NDRG3: variants seen among roughly 807,000 people sequenced by gnomAD.
The protein encoded by NDRG3 is NDRG family member 3.
Under a neutral mutation model 57.2 loss-of-function variants are expected in NDRG3, and 23 were observed. The observed-to-expected ratio is 0.40, with a 90% confidence interval of 0.29 to 0.57. The LOEUF is 0.57. NDRG3 is among the 20% of genes least tolerant of loss of function. The pLI, the probability that NDRG3 is intolerant of heterozygous loss-of-function variation, is 0.42. For missense variants in NDRG3, 384 were observed against 457.3 expected (o/e 0.84, Z 1.46); for synonymous variants, 132 against 162.6 (o/e 0.81, Z 1.43).
chr20:36,688,796 G>T lies in NDRG3; in HGVS notation c.94-12C>A. The T allele has an allele frequency of 6.3e-7, 1 of 1,594,962 alleles. No individual in the cohort carries two copies. The highest frequency in any genetic ancestry group is 8.6e-7 in the Non-Finnish European group (1 of 1,162,678). ...TCTATATCATGTTCCTGTAACAAGA[G>T]AATGTAAGTTCTCAGAAAAAGCAGA... On this transcript the variant is annotated splice_polypyrimidine_tract_variant and intron_variant, in intron 3 of 15. Transcript: ENST00000349004.
rs147048407 is a variant in NDRG3, at chr20:36,657,244, T to C, written c.859-712A>G. 6.0e-3 allele frequency among the ~76,000 whole-genome samples: 895 copies of C among 149,432 alleles called. 7 individuals are homozygous for C. The highest frequency in any genetic ancestry group is 0.021 in the African/African-American group (832 of 38,872). Reference sequence around the variant, plus strand: ...GCTCACACCTGTAATCCCAGCACCTTGGGAGGCCGAGGTCGGGGGGATCAC... The same window carrying C: ...GCTCACACCTGTAATCCCAGCACCTCGGGAGGCCGAGGTCGGGGGGATCAC... On this transcript the variant is annotated intron_variant, in intron 13 of 15. Coordinates refer to ENST00000349004, the MANE Select transcript of NDRG3 (RefSeq NM_032013.4).
At chr20:36,730,880 G>T (rs1985241255) in intron 1 of NDRG3, among the ~76,000 whole-genome samples, 1 of 151,116 alleles carries the variant, frequency 6.6e-6, no homozygotes, top group Non-Finnish European at 1.5e-5. Context: ...GGAGGTTGGA[G>T]TGAGCCAAGA....
chr20:36,671,847 T>C (rs1980203028), intron 8 of NDRG3, among the ~76,000 whole-genome samples: 1 of 148,748 alleles, frequency 6.7e-6, no homozygotes, highest in South Asian at 2.1e-4. Flanking sequence ...ATACATTTCA[T>C]GAGATGGTGG....
chr20:36,684,196 T>G (rs1439236939), intron 6 of NDRG3, among the ~76,000 whole-genome samples: 1 of 152,164 alleles, frequency 6.6e-6, no homozygotes, highest in Non-Finnish European at 1.5e-5. Context: ...CTAACTTGCC[T>G]TACTAATGTA....
intron 1 of NDRG3, among the ~76,000 whole-genome samples, chr20:36,722,589 T>C (rs1469172459): frequency 6.6e-6 from 1 of 152,010 alleles, no homozygotes; most frequent in Non-Finnish European, 1.5e-5. Flanking sequence ...GGACAAAAAT[T>C]GAAGATTATT....
rs1726968639 is a variant in NDRG3 at position 36,697,046 on chromosome 20, G to A, written c.94-8262C>T. ...CAATACTGAAGTTCTGGGGTTCTGG[G>A]TGGCCAGGGGCATTGTCCATATCAA... On this transcript the variant is annotated intron_variant, in intron 3 of 15. Coordinates refer to ENST00000349004, the MANE Select transcript of NDRG3 (RefSeq NM_032013.4). 2.6e-5 allele frequency among the ~76,000 whole-genome samples: 4 copies of A among 152,106 alleles called. 1 individual carries two copies. In the South Asian group the frequency reaches 8.3e-4, roughly 31 times the overall value.
chr20:36,678,794 AAAAC>A (rs1471114781), intron 8 of NDRG3, among the ~76,000 whole-genome samples: 1 of 152,254 alleles, frequency 6.6e-6, no homozygotes, highest in African/African-American at 2.4e-5. Flanking sequence ...GGAAAACATA[AAAAC>A]AAACTAATAT....
intron 1 of NDRG3, among the ~76,000 whole-genome samples, chr20:36,737,886 A>G (rs539688106): frequency 8.5e-5 from 13 of 152,188 alleles, no homozygotes; most frequent in Non-Finnish European, 1.6e-4. Context: ...CAACATGGTG[A>G]AACTCACCTC....
chr20:36,670,766 G>T (rs1980079384), intron 9 of NDRG3, among the ~76,000 whole-genome samples: 1 of 152,094 alleles, frequency 6.6e-6, no homozygotes, highest in Non-Finnish European at 1.5e-5. Context: ...ACAGCTTTCT[G>T]ACCTCACTGC....
intron 12 of NDRG3, 45 bp from the exon 13 acceptor site, chr20:36,660,429 G>A: frequency 6.5e-7 from 1 of 1,533,868 alleles, no homozygotes; most frequent in Non-Finnish European, 9.0e-7. Context: ...TGAGTTGCTA[G>A]GAAAAAAAAC....
intron 1 of NDRG3, among the ~76,000 whole-genome samples, chr20:36,742,872 CTT>C (rs1036469502): frequency 2.0e-5 from 3 of 152,176 alleles, no homozygotes; most frequent in African/African-American, 7.2e-5. Context: ...TGGAAAAACT[CTT>C]TAAGAACCTT....
intron 13 of NDRG3, among the ~76,000 whole-genome samples, chr20:36,658,725 A>G (rs1978895601): frequency 6.6e-6 from 1 of 152,176 alleles, no homozygotes; most frequent in African/African-American, 2.4e-5. Flanking sequence ...AGATGAAACA[A>G]TGACAGGCAG....
intron 2 of NDRG3, among the ~76,000 whole-genome samples, chr20:36,712,720 A>G (rs1221391012): frequency 1.4e-5 from 2 of 145,898 alleles, no homozygotes; most frequent in Admixed American, 1.4e-4. Flanking sequence ...CACAGCCTCC[A>G]GAGTAGCTGG....
chr20:36,674,629 T>G (rs1402014125), intron 8 of NDRG3, among the ~76,000 whole-genome samples: 1 of 144,110 alleles, frequency 6.9e-6, no homozygotes. Context: ...ACAAGGTCTC[T>G]CTCTGTCACC....
chr20:36,733,172 ATATATATATATATATATAT>A (rs1445265705), intron 1 of NDRG3, among the ~76,000 whole-genome samples: 1 of 11,520 alleles, frequency 8.7e-5, no homozygotes, highest in Non-Finnish European at 2.7e-4. Flanking sequence ...AAAAAAAAAA[ATATATATATATATATATAT>A]ATATATATAT....
intron 3 of NDRG3, 21 bp from the exon 4 acceptor site, chr20:36,688,805 T>C (rs1982014751): frequency 6.3e-7 from 1 of 1,588,990 alleles, no homozygotes; most frequent in African/African-American, 1.3e-5. Context: ...AGAATGTAAG[T>C]TCTCAGAAAA....
Position 36,692,367 on chromosome 20 carries a change from GT to G in NDRG3, c.94-3584del, listed in dbSNP as rs1982336179. ...GTCTCCCAAGTAGCTGGGACTACAG[GT>G]GTGCACCACCAAGCCCCACTAATTT... is the stretch of plus-strand genomic sequence containing the variant. On this transcript the variant is annotated intron_variant, in intron 3 of 15. Transcript: ENST00000349004. 3.3e-5 allele frequency among the ~76,000 whole-genome samples: 5 copies of G among 152,230 alleles called. No individual in the cohort carries two copies. In the East Asian group the frequency reaches 9.7e-4, roughly 29 times the overall value.
At chr20:36,723,898 G>C (rs1984761653) in intron 1 of NDRG3, among the ~76,000 whole-genome samples, 1 of 151,962 alleles carries the variant, frequency 6.6e-6, no homozygotes, top group South Asian at 2.1e-4. Flanking sequence ...GTAGAGACAG[G>C]GTTTCACCAT....
chr20:36,652,889 C>T lies in NDRG3; in HGVS notation c.*631G>A, dbSNP rs1978335961. On this transcript the variant is annotated 3_prime_UTR_variant, in exon 16 of 16. Transcript: ENST00000349004. Reference sequence around the variant, plus strand: ...CAGAAATTCATTTGGACAGAAGGAGCCTCTCTATGTAACAGGCACCCTTCT... The same window carrying T: ...CAGAAATTCATTTGGACAGAAGGAGTCTCTCTATGTAACAGGCACCCTTCT... 1 of 152,240 alleles carries T rather than the reference C, an allele frequency of 6.6e-6. No individual in the cohort carries two copies. The highest frequency in any genetic ancestry group is 2.4e-5 in the African/African-American group (1 of 41,442). The allele number at this position is 152,240 out of a possible 1,614,324, so 9.4% of individuals were successfully genotyped here.
Sources: allele counts gnomAD v4.1 joint callset (sites outside exome capture counted in the v4.1 genomes callset), GRCh38; gene constraint gnomAD v4.1.1; transcripts MANE v1.5; gene names NCBI Gene and HGNC (gene_info 2026-07-23, HGNC 2026-07-21).